ABCB9: variants seen among roughly 807,000 people sequenced by gnomAD.
ABCB9 encodes the protein ABC-type oligopeptide transporter ABCB9.
Under a neutral mutation model 62.0 loss-of-function variants are expected in ABCB9, and 36 were observed. The observed-to-expected ratio is 0.58, with a 90% CI of 0.45 to 0.77. ABCB9 has a LOEUF of 0.77. Among genes scored for constraint, ABCB9 ranks in the 30% least tolerant of loss-of-function variants. The pLI, the probability that ABCB9 is intolerant of heterozygous loss-of-function variation, is 0.00. For synonymous variants in ABCB9, 435 were observed against 461.4 expected (o/e 0.94, Z 0.73); for missense variants, 943 against 1,054.7 (o/e 0.89, Z 1.47).
At chr12:122,974,849 A>G (rs968332079) in exon 1 of ABCB9, 7 of 164,668 alleles carry the variant, frequency 4.3e-5, no homozygotes, top group Non-Finnish European at 2.6e-5. Context: ...AACTAGTCGG[A>G]CCTCCGAGCT....
Position 122,959,501 on chromosome 12 carries a change from A to G in ABCB9, c.601+134T>C. On this transcript the variant is annotated intron_variant, in intron 2 of 11. Transcript: ENST00000280560. The surrounding 1 kb of genome is among the most constrained non-coding windows in gnomAD (Gnocchi z 5.4). Reference sequence around the variant, plus strand: ...GCTGGGATTATAGATATGAGCCACTATGCCTGGCCTCTTTTCCTTTTCATA... The same window carrying G: ...GCTGGGATTATAGATATGAGCCACTGTGCCTGGCCTCTTTTCCTTTTCATA... The G allele has an allele frequency of 7.1e-7, 1 of 1,417,302 alleles. No homozygotes were observed. Among genetic ancestry groups the G allele is most frequent in the South Asian group, 1.5e-5 (1 of 67,846 alleles). The allele number at this position is 1,417,302 out of a possible 1,614,324, so 87.8% of individuals were successfully genotyped here.
At chr12:122,950,403 G>C (rs2036296833) in intron 3 of ABCB9, 48 bp downstream of exon 3, 1 of 1,529,696 alleles carries the variant, frequency 6.5e-7, no homozygotes, top group African/African-American at 1.4e-5. Context: ...TCCCTCCCTG[G>C]TGCAGGTCGG....
At chr12:122,920,910 T>C, downstream of ABCB9, 1 of 1,069,624 alleles carries the variant, frequency 9.3e-7, no homozygotes, top group South Asian at 1.4e-5. Flanking sequence ...GAGACCCCTG[T>C]CTTAAAAAAA....
chr12:122,963,347 C>T lies in ABCB9; in HGVS notation c.-88+2940G>A, dbSNP rs7307096. On this transcript the variant is annotated intron_variant, in intron 1 of 11. Coordinates refer to ENST00000280560, the MANE Select transcript of ABCB9 (RefSeq NM_019625.4). ...AAGGGTCCCCAGCAGAGGGCTGGGC[C>T]GTGTGGCAGAGGTGATAAGACTGCT... Among the ~76,000 whole-genome samples the T allele has an allele frequency of 2.9e-3, 448 of 152,246 alleles. 2 individuals are homozygous for T. Among genetic ancestry groups the T allele is most frequent in the African/African-American group, 0.01 (416 of 41,532 alleles).
rs1046288348 is a variant in ABCB9 at position 122,959,099 on chromosome 12, C to T, written c.601+536G>A. On this transcript the variant is annotated intron_variant, in intron 2 of 11. Transcript: ENST00000280560. The surrounding 1 kb of genome is among the most constrained non-coding windows in gnomAD (Gnocchi z 5.4). ...AGGCACCGTGGCTCACGCCTGTAAT[C>T]CCAGCACTTTGGGAGGCCGAGGCCA... Among the ~76,000 whole-genome samples the T allele has an allele frequency of 6.6e-6, 1 of 150,474 alleles. No homozygotes were observed. The highest frequency in any genetic ancestry group is 2.1e-4 in the South Asian group (1 of 4,714).
chr12:122,939,835 T>C, intron 9 of ABCB9: 3 of 340,208 alleles, frequency 8.8e-6, no homozygotes, highest in Middle Eastern at 1.7e-3. Context: ...TCTGCCCTTT[T>C]TTTCTTTTTT....
At chr12:122,958,562 G>C (rs894887050) in intron 2 of ABCB9, among the ~76,000 whole-genome samples, 2 of 152,234 alleles carry the variant, frequency 1.3e-5, no homozygotes, top group African/African-American at 4.8e-5. Flanking sequence ...AACACAGCCA[G>C]GCATTGTGGC....
At chr12:122,962,310 C>G (rs937200159) in intron 1 of ABCB9, among the ~76,000 whole-genome samples, 6 of 152,166 alleles carry the variant, frequency 3.9e-5, no homozygotes, top group Non-Finnish European at 7.4e-5. Flanking sequence ...AGCTCCAGTC[C>G]TTCCTCCCGT....
intron 7 of ABCB9, among the ~76,000 whole-genome samples, chr12:122,943,164 C>T (rs190834758): frequency 6.6e-4 from 101 of 152,270 alleles, no homozygotes; most frequent in Non-Finnish European, 1.2e-3. Context: ...AGCTCCCTGG[C>T]CCTCAGATGG....
chr12:122,972,946 G>C (rs535097895), intron 1 of ABCB9: 1 of 152,166 alleles, frequency 6.6e-6, no homozygotes, highest in African/African-American at 2.4e-5. Context: ...ATTCTGGAGC[G>C]TTCTAATTCT....
intron 2 of ABCB9, chr12:122,952,254 C>G (rs916388166): frequency 2.6e-5 from 4 of 152,256 alleles, no homozygotes; most frequent in Non-Finnish European, 4.4e-5. Context: ...CGACAATAAT[C>G]CGGAATGTCC....
chr12:122,950,656 C>G, intron 2 of ABCB9, 91 bp from the exon 3 acceptor site: 1 of 1,014,964 alleles, frequency 9.9e-7, no homozygotes. Context: ...ACACCAACCC[C>G]TCTGCCCACT....
upstream of ABCB9, among the ~76,000 whole-genome samples, chr12:122,970,245 AATTT>A (rs537133168): frequency 1.3e-5 from 2 of 151,694 alleles, no homozygotes; most frequent in South Asian, 2.1e-4. Flanking sequence ...ATGCCCGGCT[AATTT>A]ATTTATTTAT....
Position 122,940,743 on chromosome 12 carries a change from GAGGTGCACC to G in ABCB9, c.1569+55_1569+63del, listed in dbSNP as rs937487450. The G allele has an allele frequency of 7.4e-6, 11 of 1,481,008 alleles. No individual in the cohort carries two copies. In the African/African-American group the frequency reaches 1.5e-4, roughly 20 times the overall value. The allele number at this position is 1,481,008 out of a possible 1,614,324, so 91.7% of individuals were successfully genotyped here. On this transcript the variant is annotated intron_variant, in intron 8 of 11. Coordinates refer to ENST00000280560, the MANE Select transcript of ABCB9 (RefSeq NM_019625.4). This position sits in a 1 kb window ranked among gnomAD's most constrained non-coding sequence, Gnocchi z 4.8. ...TGCCCTGCCACAGCCTGGTGTATAG[GAGGTGCACC>G]AGAAATGGGGTGACGGAAAGGCTGA...
Position 122,930,852 on chromosome 12 carries a change from T to C in ABCB9, c.2041-681A>G, listed in dbSNP as rs1417207235. On this transcript the variant is annotated intron_variant, in intron 11 of 11. Transcript: ENST00000280560. The surrounding 1 kb of genome is among the most constrained non-coding windows in gnomAD (Gnocchi z 4.9). ...GCTCAGTAACTCTCTGTGTAACAAA[T>C]GAATCAATCCGCGCATAGACTGAGG... 1.3e-5 allele frequency among the ~76,000 whole-genome samples: 2 copies of C among 152,060 alleles called. No individual in the cohort carries two copies. Among genetic ancestry groups the C allele is most frequent in the East Asian group, 3.8e-4 (2 of 5,196 alleles).
exon 1 of ABCB9, chr12:122,975,070 G>C: frequency 2.1e-6 from 1 of 468,480 alleles, no homozygotes. Context: ...GGAGGCCGCC[G>C]GTCCCAACCC....
chr12:122,935,120 G>T, intron 10 of ABCB9, 152 bp downstream of exon 10: 1 of 922,842 alleles, frequency 1.1e-6, no homozygotes, highest in East Asian at 3.0e-5. Context: ...TTGCTTGAGC[G>T]CAGGAGGTTC....
At position 122,944,295 on chromosome 12, in the gene ABCB9, G is replaced by C; in HGVS notation, c.1380+96C>G. On this transcript the variant is annotated intron_variant, in intron 7 of 11. Transcript: ENST00000280560. The surrounding 1 kb of genome is among the most constrained non-coding windows in gnomAD (Gnocchi z 4.9). Reference sequence around the variant, plus strand: ...TTACCTTAGAGAGAAATACCACATTGTCAGAGTCCCTGGAGCCCCGCCCCC... The same window carrying C: ...TTACCTTAGAGAGAAATACCACATTCTCAGAGTCCCTGGAGCCCCGCCCCC... The C allele has an allele frequency of 6.0e-6, 9 of 1,501,028 alleles. No individual in the cohort carries two copies. The highest frequency in any genetic ancestry group is 8.1e-6 in the Non-Finnish European group (9 of 1,114,284). The allele number at this position is 1,501,028 out of a possible 1,614,324, so 93.0% of individuals were successfully genotyped here.
chr12:122,934,021 ATCACCTGAGG>A (rs1230226282), intron 10 of ABCB9, among the ~76,000 whole-genome samples: 1 of 152,220 alleles, frequency 6.6e-6, no homozygotes, highest in African/African-American at 2.4e-5. Flanking sequence ...AGGCAGGCAG[ATCACCTGAGG>A]TCAGGAGTTC....
Sources: gnomAD v4.1 joint callset for allele counts (sites outside exome capture counted in the v4.1 genomes callset) on GRCh38, gnomAD v4.1.1 for gene constraint, Gnocchi (gnomAD v3.1) non-coding constraint, MANE v1.5 for transcripts, NCBI Gene and HGNC (gene_info 2026-07-23, HGNC 2026-07-21) for gene names.